LRP1B: variants seen among roughly 807,000 people sequenced by gnomAD.
LRP1B encodes the protein LDL receptor related protein 1B, also known as low-density lipoprotein receptor-related protein 1B.
A neutral mutation model predicts 556.6 loss-of-function variants in LRP1B; 217 were observed. The observed-to-expected ratio is 0.39, with a 90% CI of 0.35 to 0.44. The LOEUF (loss-of-function observed/expected upper bound fraction) is 0.44, where lower values mean the gene tolerates loss of function less well. Ranked by LOEUF, LRP1B falls within the 20% of genes least tolerant of loss-of-function variation. The pLI is 1.00. For missense variants in LRP1B, 5,053 were observed against 5,620.8 expected (o/e 0.90, Z 3.23); for synonymous variants, 2,047 against 1,865.8 (o/e 1.10, Z -2.50).
chr2:141,535,669 C>T (rs1019062472), intron 2 of LRP1B, among the ~76,000 whole-genome samples: 2 of 152,062 alleles, frequency 1.3e-5, no homozygotes, highest in Admixed American at 1.3e-4. Flanking sequence ...ATAAACCACT[C>T]CTCAGGCAAA....
intron 84 of LRP1B, among the ~76,000 whole-genome samples, chr2:140,292,455 C>T (rs1223656915): frequency 2.0e-5 from 3 of 152,086 alleles, no homozygotes; most frequent in Admixed American, 6.6e-5. Context: ...TTTGCATATG[C>T]TGCTCCCCCT....
chr2:141,005,452 T>G lies in LRP1B; in HGVS notation c.2386A>C (p.Asn796His), dbSNP rs748744432. ...CCCCCATTATTTACTCGGCACATAT[T>G]GTCACCTGCAAGAGGAAGAAAGCAA... Reference protein sequence around the residue: ...IYDPRKQQGDNMCRVNNGGCS... With the variant: ...IYDPRKQQGDHMCRVNNGGCS... Residue 796 changes from asparagine (N) to histidine (H), a missense_variant, in exon 15 of 91, where the codon AAT (asparagine) becomes CAT (histidine). Asn to His is a moderately conservative substitution (Grantham distance 68). Coordinates refer to ENST00000389484, the MANE Select transcript of LRP1B (RefSeq NM_018557.3). The G allele has an allele frequency of 1.9e-6, 3 of 1,609,908 alleles. No individual in the cohort carries two copies. The East Asian group carries it at 6.7e-5, about 36-fold the overall frequency.
rs1490026865 is a variant in LRP1B, at chr2:140,795,679, A to G, written c.5359+17978T>C. On this transcript the variant is annotated intron_variant, in intron 32 of 90. Transcript: ENST00000389484. ...GGTATATATAGCCCCCAAAATTTCT[A>G]TAACAAGAGGCCATCTACCTAAGTC... Among the ~76,000 whole-genome samples the G allele has an allele frequency of 2.6e-5, 4 of 152,118 alleles. No individual in the cohort carries two copies. In the East Asian group the frequency reaches 7.7e-4, roughly 29 times the overall value.
At position 140,342,452 on chromosome 2, in the gene LRP1B, T is replaced by C. The variant is rs1231265310; in HGVS notation, c.11893-6614A>G. On this transcript the variant is annotated intron_variant, in intron 77 of 90. Transcript: ENST00000389484. ...CTCACAAATTAATCTAGAAATGCAA[T>C]GCAACATCAATCTAATTCTAATGTG... Among the ~76,000 whole-genome samples, 3 of 151,528 alleles carry C rather than the reference T, an allele frequency of 2.0e-5. No homozygotes were observed. The East Asian group carries it at 5.8e-4, about 29-fold the overall frequency.
chr2:142,076,792 C>T (rs527962359), intron 1 of LRP1B, among the ~76,000 whole-genome samples: 1 of 152,106 alleles, frequency 6.6e-6, no homozygotes, highest in Non-Finnish European at 1.5e-5. Flanking sequence ...TATAATCATA[C>T]TCTCCAAATG....
At chr2:141,242,903 T>G (rs2105319362) in intron 5 of LRP1B, among the ~76,000 whole-genome samples, 1 of 152,156 alleles carries the variant, frequency 6.6e-6, no homozygotes, top group East Asian at 1.9e-4. Context: ...GACTATTATT[T>G]TTACTGTCAC....
intron 35 of LRP1B, among the ~76,000 whole-genome samples, chr2:140,733,198 C>T (rs1031687061): frequency 1.8e-4 from 27 of 152,120 alleles, no homozygotes; most frequent in African/African-American, 6.3e-4. Flanking sequence ...GCAATCTTCC[C>T]TCCAACTTAA....
intron 7 of LRP1B, among the ~76,000 whole-genome samples, chr2:141,127,504 A>T (rs543842972): frequency 1.6e-4 from 24 of 152,280 alleles, no homozygotes; most frequent in African/African-American, 5.5e-4. Context: ...GCCCATCAGT[A>T]ATAGACTGGA....
At chr2:141,606,991 CCCTT>C (rs1687937373) in intron 2 of LRP1B, among the ~76,000 whole-genome samples, 1 of 151,996 alleles carries the variant, frequency 6.6e-6, no homozygotes, top group Non-Finnish European at 1.5e-5. Context: ...CTCCCTCCCT[CCCTT>C]CCTTCCTTTC....
rs554763356 is a variant in LRP1B, at chr2:141,618,044, C to CA, written c.206-137512dup. Among the ~76,000 whole-genome samples the CA allele has an allele frequency of 3.4e-4, 52 of 152,230 alleles. No homozygotes were observed. In the South Asian group the frequency reaches 0.01, roughly 30 times the overall value. Reference sequence around the variant, plus strand: ...AGAAAACCAGTGCTTGCAAAAGGTCCAAATCAAAGTCCTGAGTGTTTGCTA... The same window carrying CA: ...AGAAAACCAGTGCTTGCAAAAGGTCCAAAATCAAAGTCCTGAGTGTTTGCTA... On this transcript the variant is annotated intron_variant, in intron 2 of 90. Coordinates refer to ENST00000389484, the MANE Select transcript of LRP1B (RefSeq NM_018557.3).
chr2:140,313,311 A>C (rs1038115675), intron 83 of LRP1B, among the ~76,000 whole-genome samples: 2 of 151,904 alleles, frequency 1.3e-5, no homozygotes, highest in Non-Finnish European at 1.5e-5. Flanking sequence ...GTAAATCAGG[A>C]TACAATTGTG....
chr2:141,807,337 A>G (rs1210706315), intron 2 of LRP1B, among the ~76,000 whole-genome samples: 2 of 152,098 alleles, frequency 1.3e-5, no homozygotes, highest in Non-Finnish European at 2.9e-5. Context: ...GAACAAGCCA[A>G]TTAAATATAA....
At chr2:140,797,349 A>T (rs2105000070) in intron 32 of LRP1B, among the ~76,000 whole-genome samples, 2 of 152,216 alleles carry the variant, frequency 1.3e-5, no homozygotes, top group South Asian at 4.1e-4. Context: ...TAATTTTAGA[A>T]TATTTGAAAT....
At chr2:140,688,588 C>A (rs1473420424) in intron 41 of LRP1B, among the ~76,000 whole-genome samples, 1 of 152,208 alleles carries the variant, frequency 6.6e-6, no homozygotes, top group Non-Finnish European at 1.5e-5. Flanking sequence ...TTCTTCCCCT[C>A]CATATATGTT....
intron 84 of LRP1B, among the ~76,000 whole-genome samples, chr2:140,282,298 A>T (rs989005968): frequency 6.6e-6 from 1 of 151,768 alleles, no homozygotes; most frequent in Non-Finnish European, 1.5e-5. Context: ...TGCCAGGCAC[A>T]TGGGTTTTTG....
At chr2:141,906,439 G>A (rs182429457) in intron 1 of LRP1B, among the ~76,000 whole-genome samples, 9 of 151,846 alleles carry the variant, frequency 5.9e-5, no homozygotes, top group South Asian at 2.1e-4. Context: ...TATATTTTTC[G>A]AAGAAAGTTT....
intron 1 of LRP1B, among the ~76,000 whole-genome samples, chr2:141,953,391 A>G (rs557506287): frequency 5.9e-5 from 9 of 152,248 alleles, no homozygotes; most frequent in African/African-American, 2.2e-4. Context: ...AAGTCCAAGT[A>G]TATTTAAAAC....
At chr2:140,806,454 G>A (rs1218231182) in intron 32 of LRP1B, among the ~76,000 whole-genome samples, 1 of 152,024 alleles carries the variant, frequency 6.6e-6, no homozygotes, top group East Asian at 1.9e-4. Flanking sequence ...ATATAAATGA[G>A]AGCAACTGTG....
intron 32 of LRP1B, among the ~76,000 whole-genome samples, chr2:140,782,660 C>T (rs1158812593): frequency 1.3e-5 from 2 of 152,042 alleles, no homozygotes; most frequent in African/African-American, 4.8e-5. Context: ...TTTTAATATT[C>T]ATATGTTAAA....
Sources: allele counts gnomAD v4.1 joint callset (sites outside exome capture counted in the v4.1 genomes callset), GRCh38; gene constraint gnomAD v4.1.1; transcripts MANE v1.5; gene names NCBI Gene and HGNC (gene_info 2026-07-23, HGNC 2026-07-21).